The following IDNK variants were observed in gnomAD, a reference collection of about 807,000 sequenced individuals.
IDNK encodes IDNK gluconokinase, also known as gluconokinase.
In IDNK, 9 loss-of-function variants were observed where a neutral mutation model predicts 13.0. The ratio of observed to expected loss-of-function variants is 0.69; its 90% CI spans 0.42 to 1.21. The LOEUF is 1.21. Among genes scored for constraint, IDNK ranks in the 50% most tolerant of loss-of-function variants. The pLI is 0.00. For synonymous variants in IDNK, 92 were observed against 94.9 expected (o/e 0.97, Z 0.18); for missense variants, 210 against 237.8 (o/e 0.88, Z 0.77).
intron 3 of IDNK, among the ~76,000 whole-genome samples, chr9:83,641,336 T>G (rs1831301943): frequency 6.6e-6 from 1 of 152,204 alleles, no homozygotes. Context: ...AGGGCAATTT[T>G]TATTATTATG....
intron 3 of IDNK, among the ~76,000 whole-genome samples, chr9:83,636,948 A>G (rs926855545): frequency 4.6e-5 from 7 of 152,208 alleles, no homozygotes; most frequent in African/African-American, 1.7e-4. Context: ...TCATCTTGTT[A>G]CTGCATTTAC....
intron 3 of IDNK, among the ~76,000 whole-genome samples, chr9:83,636,829 C>T (rs1459329017): frequency 6.6e-6 from 1 of 152,180 alleles, no homozygotes; most frequent in African/African-American, 2.4e-5. Flanking sequence ...TGCATTAAGT[C>T]TGACATAGGC....
At chr9:83,643,117 CA>C (rs1831358509) in intron 4 of IDNK, among the ~76,000 whole-genome samples, 1 of 152,186 alleles carries the variant, frequency 6.6e-6, no homozygotes. Flanking sequence ...ACTTACTGAG[CA>C]TATCTGTGTA....
chr9:83,631,153 A>C (rs1333689306), intron 3 of IDNK, among the ~76,000 whole-genome samples: 1 of 151,394 alleles, frequency 6.6e-6, no homozygotes, highest in Non-Finnish European at 1.5e-5. Context: ...CCCATGCTAC[A>C]GAGCTGAGGA....
At chr9:83,635,856 G>A (rs1050535020) in intron 3 of IDNK, among the ~76,000 whole-genome samples, 16 of 152,122 alleles carry the variant, frequency 1.1e-4, no homozygotes, top group African/African-American at 3.4e-4. Context: ...CATACTCTGG[G>A]GTTAGAAATC....
chr9:83,637,204 A>T (rs1269885101), intron 3 of IDNK, among the ~76,000 whole-genome samples: 2 of 152,250 alleles, frequency 1.3e-5, no homozygotes, highest in African/African-American at 4.8e-5. Flanking sequence ...TGAACTCCTA[A>T]GTGATCTCTG....
At chr9:83,635,171 A>G (rs1044436970) in intron 3 of IDNK, among the ~76,000 whole-genome samples, 1 of 152,180 alleles carries the variant, frequency 6.6e-6, no homozygotes, top group African/African-American at 2.4e-5. Context: ...AGCCCCCTTG[A>G]TATTGTCAAC....
intron 4 of IDNK, among the ~76,000 whole-genome samples, chr9:83,643,102 C>G (rs1406429190): frequency 6.6e-6 from 1 of 152,208 alleles, no homozygotes; most frequent in Non-Finnish European, 1.5e-5. Context: ...CAAAGCAGAA[C>G]TAACACTTAC....
chr9:83,626,920 A>G (rs954444033), intron 1 of IDNK: 7 of 894,106 alleles, frequency 7.8e-6, no homozygotes, highest in Non-Finnish European at 8.2e-6. Context: ...ACTGTGTCTA[A>G]CACCTCTCTG....
chr9:83,632,152 T>C (rs943103979), intron 3 of IDNK, among the ~76,000 whole-genome samples: 4 of 152,108 alleles, frequency 2.6e-5, no homozygotes, highest in African/African-American at 9.7e-5. Context: ...GTATATAACA[T>C]TCTATATACT....
At chr9:83,638,158 A>AG (rs1177707710) in intron 3 of IDNK, among the ~76,000 whole-genome samples, 31 of 152,208 alleles carry the variant, frequency 2.0e-4, no homozygotes, top group African/African-American at 6.3e-4. Context: ...TATAAACTAT[A>AG]TGGGAAAATG....
In IDNK at chr9:83,628,227, T is replaced by C; in HGVS notation, c.81+16T>C. 4 of 1,543,352 alleles carry C rather than the reference T, an allele frequency of 2.6e-6. No individual in the cohort carries two copies. Among genetic ancestry groups the C allele is most frequent in the Non-Finnish European group, 3.5e-6 (4 of 1,140,380 alleles). On this transcript the variant is annotated intron_variant, in intron 2 of 4. Transcript: ENST00000376419. Reference sequence around the variant, plus strand: ...GGCATCTGAGGTTAGTAACCTGTCCTAATGCCTTCCGAGTGCTTGTCCCAT... The same window carrying C: ...GGCATCTGAGGTTAGTAACCTGTCCCAATGCCTTCCGAGTGCTTGTCCCAT...
At chr9:83,625,628 T>C (rs1234129344) in intron 1 of IDNK, among the ~76,000 whole-genome samples, 1 of 152,228 alleles carries the variant, frequency 6.6e-6, no homozygotes, top group African/African-American at 2.4e-5. Flanking sequence ...AACATCAAGT[T>C]CTTTAGTGAC....
upstream of IDNK, chr9:83,623,133 G>A: frequency 1.4e-6 from 2 of 1,405,776 alleles, no homozygotes; most frequent in Non-Finnish European, 1.8e-6. Context: ...CGGGGCCGGC[G>A]GGGCCCGGAA....
intron 1 of IDNK, chr9:83,623,580 G>A (rs1830765126): frequency 3.6e-6 from 1 of 281,450 alleles, no homozygotes; most frequent in Non-Finnish European, 6.9e-6. Flanking sequence ...TCGGGGCCAG[G>A]CGGGAGGGCG....
upstream of IDNK, chr9:83,623,091 G>A: frequency 8.4e-7 from 1 of 1,190,442 alleles, no homozygotes; most frequent in Non-Finnish European, 1.1e-6. Flanking sequence ...GCCGGGGCGA[G>A]AGCGGCTCCG....
chr9:83,631,470 A>AAAAAAAAAG, intron 3 of IDNK, among the ~76,000 whole-genome samples: 3 of 148,112 alleles, frequency 2.0e-5, no homozygotes, highest in African/African-American at 5.1e-5. Flanking sequence ...AAAAAAAAAA[A>AAAAAAAAAG]GGCTGGTGGT....
At chr9:83,629,493 G>A (rs1044058480) in intron 3 of IDNK, among the ~76,000 whole-genome samples, 2 of 152,206 alleles carry the variant, frequency 1.3e-5, no homozygotes, top group South Asian at 2.1e-4. Context: ...CTCTTTAGGA[G>A]CCATGCGCCT....
intron 3 of IDNK, among the ~76,000 whole-genome samples, chr9:83,630,908 A>AT (rs1454110257): frequency 2.0e-5 from 3 of 152,132 alleles, no homozygotes; most frequent in Non-Finnish European, 4.4e-5. Context: ...TACTTACTAA[A>AT]TTTTTTCAGA....
Sources: allele counts gnomAD v4.1 joint callset (sites outside exome capture counted in the v4.1 genomes callset), GRCh38; gene constraint gnomAD v4.1.1; transcripts MANE v1.5; gene names NCBI Gene and HGNC (gene_info 2026-07-23, HGNC 2026-07-21).